The following ARHGAP31 variants were observed in gnomAD, a reference collection of about 807,000 sequenced individuals.
The protein encoded by ARHGAP31 is rho GTPase-activating protein 31.
In ARHGAP31, 34 loss-of-function variants were observed where a neutral mutation model predicts 113.9. The observed-to-expected ratio is 0.30, with a 90% CI of 0.23 to 0.40. The LOEUF is 0.40. ARHGAP31 is among the 10% of genes least tolerant of loss of function. The pLI is 1.00. For synonymous variants in ARHGAP31, 650 were observed against 684.8 expected (o/e 0.95, Z 0.79); for missense variants, 1,548 against 1,767.1 (o/e 0.88, Z 2.22).
intron 1 of ARHGAP31, among the ~76,000 whole-genome samples, chr3:119,364,407 TA>T (rs1306844485): frequency 1.3e-5 from 2 of 152,244 alleles, no homozygotes; most frequent in African/African-American, 4.8e-5. Context: ...TTTTTTCTTC[TA>T]AAAAAATGGA....
intron 1 of ARHGAP31, among the ~76,000 whole-genome samples, chr3:119,327,243 C>T (rs937828214): frequency 6.6e-6 from 1 of 152,152 alleles, no homozygotes; most frequent in African/African-American, 2.4e-5. Flanking sequence ...TTGACCACTC[C>T]ATTTAAATTG....
At position 119,364,242 on chromosome 3, in the gene ARHGAP31, TG is replaced by T. The variant is rs1279885770; in HGVS notation, c.101-1067del. Among the ~76,000 whole-genome samples, 143 of 53,900 alleles carry T rather than the reference TG, an allele frequency of 2.7e-3. 1 individual carries two copies. Among genetic ancestry groups the T allele is most frequent in the African/African-American group, 9.3e-3 (138 of 14,866 alleles). 35.4% of individuals were successfully genotyped at this position (53,900 alleles called of 152,430 possible). A position where few individuals can be genotyped will look rare whatever the true frequency, so the allele number is the denominator to read the frequency against. On this transcript the variant is annotated intron_variant, in intron 1 of 11. Coordinates refer to ENST00000264245, the MANE Select transcript of ARHGAP31 (RefSeq NM_020754.4). Reference sequence around the variant, plus strand: ...ATGGTTGGGGGTGGGGGGATGGAGGTGGGGGGGCCGTTCTTACCTTTAAAAA... The same window carrying T: ...ATGGTTGGGGGTGGGGGGATGGAGGTGGGGGGCCGTTCTTACCTTTAAAAA...
At chr3:119,384,008 C>A (rs1438982489) in intron 6 of ARHGAP31, among the ~76,000 whole-genome samples, 2 of 152,172 alleles carry the variant, frequency 1.3e-5, no homozygotes, top group Admixed American at 6.5e-5. Flanking sequence ...TGATAATTTG[C>A]ATTTCTAACA....
rs78184961 is a variant in ARHGAP31, at chr3:119,295,288, G to C, written c.100+284G>C. ...CGCAAGTTTACCGGGCCACCTCAGG[G>C]GATGGGGGTGGAAGCTGCAGAGGTC... On this transcript the variant is annotated intron_variant, in intron 1 of 11. Coordinates refer to ENST00000264245, the MANE Select transcript of ARHGAP31 (RefSeq NM_020754.4). 0.013 allele frequency among the ~76,000 whole-genome samples: 1,938 copies of C among 152,040 alleles called. 32 individuals carry two copies. The highest frequency in any genetic ancestry group is 0.043 in the African/African-American group (1,790 of 41,444).
At chr3:119,342,731 C>T (rs532783839) in intron 1 of ARHGAP31, among the ~76,000 whole-genome samples, 3 of 152,300 alleles carry the variant, frequency 2.0e-5, no homozygotes, top group Non-Finnish European at 4.4e-5. Flanking sequence ...GGGCGGATCA[C>T]CTGAGGTTGG....
intron 10 of ARHGAP31, among the ~76,000 whole-genome samples, chr3:119,404,961 T>C (rs2080647095): frequency 6.6e-6 from 1 of 152,206 alleles, no homozygotes. Flanking sequence ...GTTTAAAAAT[T>C]ACAACCGACA....
At chr3:119,339,102 C>T (rs1174118394) in intron 1 of ARHGAP31, among the ~76,000 whole-genome samples, 1 of 152,160 alleles carries the variant, frequency 6.6e-6, no homozygotes, top group Non-Finnish European at 1.5e-5. Context: ...GAGTAGGAAG[C>T]AATTTGAGAT....
chr3:119,382,238 G>A, intron 4 of ARHGAP31, 54 bp from the exon 5 acceptor site: 2 of 1,478,326 alleles, frequency 1.4e-6, no homozygotes, highest in South Asian at 2.3e-5. Context: ...CCATATGTCA[G>A]GCTTCACACG....
intron 8 of ARHGAP31, among the ~76,000 whole-genome samples, chr3:119,394,282 C>T (rs2080528931): frequency 6.6e-6 from 1 of 152,142 alleles, no homozygotes; most frequent in Non-Finnish European, 1.5e-5. Flanking sequence ...TTGGATGTAA[C>T]AATTATTCCT....
At chr3:119,340,616 G>A (rs1479300156) in intron 1 of ARHGAP31, among the ~76,000 whole-genome samples, 1 of 152,174 alleles carries the variant, frequency 6.6e-6, no homozygotes, top group Non-Finnish European at 1.5e-5. Flanking sequence ...CTCTTAAAAG[G>A]AGAATGACAG....
chr3:119,414,937 C>A lies in ARHGAP31; in HGVS notation c.3008C>A (p.Ala1003Asp). The A allele has an allele frequency of 6.2e-7, 1 of 1,614,184 alleles. No homozygotes were observed. Among genetic ancestry groups the A allele is most frequent in the Non-Finnish European group, 8.5e-7 (1 of 1,180,036 alleles). ...RREITGWDEK[A>D]LRSFREFSGL... is the part of the protein sequence containing the mutation. ...GAGATTACTGGATGGGATGAGAAAG[C>A]CCTGAGGTCCTTCAGAGAGTTCTCT... The change falls in exon 12 of 12, where the codon GCC (alanine) becomes GAC (aspartate). Residue 1003 changes from alanine (A) to aspartate (D), a missense_variant. By Grantham distance (126) the Ala-to-Asp change is moderately radical. Transcript: ENST00000264245.
intron 6 of ARHGAP31, among the ~76,000 whole-genome samples, chr3:119,383,481 G>A (rs1016042728): frequency 6.6e-6 from 1 of 152,140 alleles, no homozygotes; most frequent in African/African-American, 2.4e-5. Context: ...CTGTGAATGT[G>A]GTATGGTGAA....
intron 1 of ARHGAP31, among the ~76,000 whole-genome samples, chr3:119,336,364 T>C (rs1219179917): frequency 6.6e-6 from 1 of 152,026 alleles, no homozygotes; most frequent in Non-Finnish European, 1.5e-5. Context: ...GCAATTTACA[T>C]CAGCCAGTCG....
intron 1 of ARHGAP31, among the ~76,000 whole-genome samples, chr3:119,310,125 G>A (rs766135899): frequency 2.0e-5 from 3 of 152,132 alleles, no homozygotes; most frequent in Non-Finnish European, 4.4e-5. Flanking sequence ...TTATCCTCCC[G>A]TCAAGCTGAC....
chr3:119,307,020 GA>G (rs200099332), intron 1 of ARHGAP31, among the ~76,000 whole-genome samples: 17 of 142,182 alleles, frequency 1.2e-4, no homozygotes, highest in South Asian at 2.3e-4. Context: ...TTTATTTTTA[GA>G]AAAAAAAAAC....
chr3:119,366,219 CAT>C (rs2080251402), intron 2 of ARHGAP31, among the ~76,000 whole-genome samples: 1 of 151,718 alleles, frequency 6.6e-6, no homozygotes, highest in Non-Finnish European at 1.5e-5. Context: ...TTAATTATAA[CAT>C]TTTATTATTA....
chr3:119,312,679 T>C (rs1402777214), intron 1 of ARHGAP31, among the ~76,000 whole-genome samples: 3 of 152,232 alleles, frequency 2.0e-5, no homozygotes, highest in East Asian at 3.8e-4. Context: ...CCCACATCCT[T>C]GTAGCCCCAT....
rs769437294 is a variant in ARHGAP31, at chr3:119,409,517, G to A, written c.1667G>A (p.Gly556Asp). 2 of 1,614,204 alleles carry A rather than the reference G, an allele frequency of 1.2e-6. No homozygotes were observed. Among genetic ancestry groups the A allele is most frequent in the East Asian group, 2.2e-5 (1 of 44,886 alleles). The change falls in exon 11 of 12, where the codon GGT becomes GAT. Residue 556 changes from glycine to aspartate, a missense_variant. Coordinates refer to ENST00000264245, the MANE Select transcript of ARHGAP31 (RefSeq NM_020754.4). ...TSAASVPKKA[G>D]LEDAKAVPEA... is the part of the protein sequence containing the mutation. ...GCAGCTTCTGTACCTAAGAAGGCAG[G>A]TCTTGAGGATGCCAAGGCAGTACCT... is the stretch of plus-strand genomic sequence containing the variant.
chr3:119,354,396 AAAAT>A (rs2107617969), intron 1 of ARHGAP31, among the ~76,000 whole-genome samples: 1 of 152,314 alleles, frequency 6.6e-6, no homozygotes, highest in East Asian at 1.9e-4. Flanking sequence ...AGCAAAATTA[AAAAT>A]AGAGAAAAGC....
Sources: allele counts gnomAD v4.1 joint callset (sites outside exome capture counted in the v4.1 genomes callset), GRCh38; gene constraint gnomAD v4.1.1; transcripts MANE v1.5; gene names NCBI Gene and HGNC (gene_info 2026-07-23, HGNC 2026-07-21).